NOL4: variants seen among roughly 807,000 people sequenced by gnomAD.
NOL4 encodes nucleolar protein 4, also known as cancer/testis antigen 125.
NOL4 carries 17 observed loss-of-function variants against 75.9 expected under a neutral mutation model. The ratio of observed to expected loss-of-function variants is 0.22; its 90% CI spans 0.15 to 0.34. The LOEUF (loss-of-function observed/expected upper bound fraction) is 0.34. Ranked by LOEUF, NOL4 falls within the 10% of genes least tolerant of loss-of-function variation. The probability of loss-of-function intolerance (pLI) is 1.00; values close to 1 mark genes in which losing one functional copy is unlikely to be tolerated. For missense variants in NOL4, 614 were observed against 793.5 expected (o/e 0.77, Z 2.72); for synonymous variants, 292 against 289.9 (o/e 1.01, Z -0.07).
chr18:34,032,566 G>A (rs985888596), intron 5 of NOL4, among the ~76,000 whole-genome samples: 2 of 152,198 alleles, frequency 1.3e-5, no homozygotes, highest in African/African-American at 4.8e-5. Context: ...GCACCTGTGA[G>A]CATTGAGACT....
At chr18:34,214,225 T>C (rs910204552) in intron 1 of NOL4, among the ~76,000 whole-genome samples, 3 of 152,122 alleles carry the variant, frequency 2.0e-5, no homozygotes, top group Non-Finnish European at 2.9e-5. Context: ...GTGCATAAGA[T>C]AACCTATTGA....
chr18:33,859,011 C>A (rs2000940), intron 10 of NOL4, among the ~76,000 whole-genome samples: 19,784 of 151,680 alleles, frequency 0.13, 1,417 homozygotes, highest in Non-Finnish European at 0.17. Flanking sequence ...TATTATGTTT[C>A]ATCTGTCTTT....
chr18:34,043,776 T>C (rs896679394), intron 5 of NOL4, among the ~76,000 whole-genome samples: 9 of 152,072 alleles, frequency 5.9e-5, no homozygotes, highest in Non-Finnish European at 1.0e-4. Flanking sequence ...AGGGAGGCAG[T>C]TGCCTCTTCA....
At chr18:33,957,212 C>T (rs1407694247) in intron 8 of NOL4, 114 bp downstream of exon 8, 2 of 813,382 alleles carry the variant, frequency 2.5e-6, no homozygotes, top group Admixed American at 3.0e-5. Flanking sequence ...CCCCCTTTGA[C>T]CTGACATTAT....
intron 10 of NOL4, among the ~76,000 whole-genome samples, chr18:33,862,353 G>A (rs1183882780): frequency 6.6e-6 from 1 of 152,148 alleles, no homozygotes; most frequent in Admixed American, 6.5e-5. Flanking sequence ...TCAGGACATA[G>A]GCACGGGCAA....
intron 6 of NOL4, among the ~76,000 whole-genome samples, chr18:33,992,761 A>T (rs1478470421): frequency 6.6e-6 from 1 of 152,004 alleles, no homozygotes; most frequent in Non-Finnish European, 1.5e-5. Context: ...ATCAGGCTTC[A>T]CTCATAGAAT....
chr18:34,150,185 C>T (rs1017619719), intron 1 of NOL4, among the ~76,000 whole-genome samples: 5 of 151,350 alleles, frequency 3.3e-5, no homozygotes, highest in African/African-American at 1.2e-4. Flanking sequence ...TGTTAGTTAC[C>T]CTTCAAATAT....
At chr18:34,086,619 C>T (rs577729840) in intron 5 of NOL4, among the ~76,000 whole-genome samples, 6 of 152,100 alleles carry the variant, frequency 3.9e-5, no homozygotes, top group African/African-American at 7.2e-5. Context: ...CTGGTTTATA[C>T]ACTTTAATAA....
At chr18:34,135,493 C>T (rs577390465) in intron 1 of NOL4, among the ~76,000 whole-genome samples, 6 of 151,670 alleles carry the variant, frequency 4.0e-5, no homozygotes, top group East Asian at 1.9e-4. Flanking sequence ...GTCAGAAGAT[C>T]GAGATCATCC....
intron 5 of NOL4, among the ~76,000 whole-genome samples, chr18:34,051,075 T>C (rs1001386392): frequency 3.3e-5 from 5 of 152,010 alleles, no homozygotes; most frequent in Admixed American, 2.6e-4. Flanking sequence ...GGAGTAAATA[T>C]GTATAAATTT....
chr18:34,158,508 G>T (rs545115507), intron 1 of NOL4: 1 of 152,260 alleles, frequency 6.6e-6, no homozygotes, highest in South Asian at 2.1e-4. Flanking sequence ...GCCCAGAAAA[G>T]AGATTTTAGC....
intron 2 of NOL4, among the ~76,000 whole-genome samples, chr18:34,117,525 G>T (rs983226509): frequency 6.6e-6 from 1 of 152,138 alleles, no homozygotes; most frequent in African/African-American, 2.4e-5. Context: ...GAATACAAGG[G>T]TCAGTCAAGC....
intron 1 of NOL4, among the ~76,000 whole-genome samples, chr18:34,220,622 C>A (rs1271991726): frequency 1.3e-5 from 2 of 152,180 alleles, no homozygotes; most frequent in African/African-American, 4.8e-5. Flanking sequence ...TTTTTTAACT[C>A]ATTGAAATGA....
At chr18:34,006,921 AT>A (rs1179990884) in intron 6 of NOL4, among the ~76,000 whole-genome samples, 1 of 152,010 alleles carries the variant, frequency 6.6e-6, no homozygotes, top group African/African-American at 2.4e-5. Context: ...TGATAGCAGG[AT>A]TTATGAGCCC....
intron 4 of NOL4, among the ~76,000 whole-genome samples, chr18:34,095,872 T>G (rs888212838): frequency 2.0e-5 from 3 of 152,114 alleles, no homozygotes; most frequent in African/African-American, 7.2e-5. Flanking sequence ...TTATAAGTAT[T>G]TGTTATAAAG....
chr18:33,879,909 T>C (rs143496742), intron 10 of NOL4, among the ~76,000 whole-genome samples: 2 of 152,070 alleles, frequency 1.3e-5, no homozygotes, highest in East Asian at 3.9e-4. Context: ...AAATGGTAAA[T>C]GTACATTCAT....
At chr18:34,118,041 T>C (rs1342124553) in intron 2 of NOL4, among the ~76,000 whole-genome samples, 2 of 152,220 alleles carry the variant, frequency 1.3e-5, no homozygotes, top group African/African-American at 4.8e-5. Flanking sequence ...AAAATGTAAC[T>C]TGGTGCTTTG....
chr18:34,022,022 T>G (rs1002074992), intron 5 of NOL4, among the ~76,000 whole-genome samples: 3 of 151,776 alleles, frequency 2.0e-5, no homozygotes, highest in Non-Finnish European at 4.4e-5. Context: ...GAGAATCGCT[T>G]GAACCTGGGA....
chr18:34,221,954 A>C (rs2037340771), intron 1 of NOL4: 1 of 1,386,706 alleles, frequency 7.2e-7, no homozygotes, highest in Admixed American at 2.0e-5. Context: ...AGAAACCCCA[A>C]AGCGAGGCAA....
Sources: gnomAD v4.1 joint callset for allele counts (sites outside exome capture counted in the v4.1 genomes callset) on GRCh38, gnomAD v4.1.1 for gene constraint, MANE v1.5 for transcripts, NCBI Gene and HGNC (gene_info 2026-07-23, HGNC 2026-07-21) for gene names.